Variants in FBN3 observed in about 807,000 individuals in gnomAD.
FBN3 encodes fibrillin-3.
In FBN3, 234 loss-of-function variants were observed where a neutral mutation model predicts 330.1. The ratio of observed to expected loss-of-function variants is 0.71; its 90% CI spans 0.64 to 0.79. The LOEUF (loss-of-function observed/expected upper bound fraction) is 0.79. Ranked by LOEUF, FBN3 falls within the 30% of genes least tolerant of loss-of-function variation. The pLI is 0.00. For synonymous variants in FBN3, 1,458 were observed against 1,517.3 expected, an observed-to-expected ratio of 0.96 and a Z score of 0.91; for missense variants, 3,606 against 3,886.9, an observed-to-expected ratio of 0.93 and a Z score of 1.92.
chr19:8,091,020 A>T (rs866074501), intron 48 of FBN3, among the ~76,000 whole-genome samples: 1 of 152,048 alleles, frequency 6.6e-6, no homozygotes, highest in African/African-American at 2.4e-5. Flanking sequence ...AGAACAGCAA[A>T]TATTCGCTGA....
chr19:8,119,032 T>C lies in FBN3; in HGVS notation c.3212-10A>G. 1 of 1,590,114 alleles carries C rather than the reference T, an allele frequency of 6.3e-7. No homozygotes were observed. ...GCACACTCGTCCACGTCTGAAGGTT[T>C]GTGTGGAAAGAGAGAGCAGGCATGA... On this transcript the variant is annotated splice_polypyrimidine_tract_variant and intron_variant, in intron 25 of 63. Coordinates refer to ENST00000600128, the MANE Select transcript of FBN3 (RefSeq NM_032447.5).
Position 8,126,464 on chromosome 19 carries a change from C to T in FBN3, c.2554+4G>A, listed in dbSNP as rs1382284189. 13 of 1,610,608 alleles carry T rather than the reference C, an allele frequency of 8.1e-6. No homozygotes were observed. Among genetic ancestry groups the T allele is most frequent in the South Asian group, 6.6e-5 (6 of 90,702 alleles). ...TGCCTGGGAGGCCTCAAGGAGGATA[C>T]TACCGATCTCGCAGCGTTCGCAGGG... On this transcript the variant is annotated splice_donor_region_variant and intron_variant, in intron 20 of 63. Coordinates refer to ENST00000600128, the MANE Select transcript of FBN3 (RefSeq NM_032447.5).
intron 25 of FBN3, among the ~76,000 whole-genome samples, chr19:8,119,362 C>A (rs1334498699): frequency 1.3e-5 from 2 of 152,184 alleles, no homozygotes; most frequent in Non-Finnish European, 2.9e-5. Context: ...GGACTCAGGG[C>A]AGGGAGCAGG....
rs2083223712 is a variant in FBN3 at position 8,134,201 on chromosome 19, C to T, written c.1592-1095G>A. Reference sequence around the variant, plus strand: ...AGGTTGCAGTGAGCCAGGATCACGCCACTGCACTCCAGCCTGGGTGACAGA... The same window carrying T: ...AGGTTGCAGTGAGCCAGGATCACGCTACTGCACTCCAGCCTGGGTGACAGA... On this transcript the variant is annotated intron_variant, in intron 13 of 63. Coordinates refer to ENST00000600128, the MANE Select transcript of FBN3 (RefSeq NM_032447.5). Among the ~76,000 whole-genome samples the T allele has an allele frequency of 2.0e-5, 3 of 152,074 alleles. No homozygotes were observed. In the South Asian group the frequency reaches 6.2e-4, roughly 32 times the overall value.
intron 2 of FBN3, 24 bp downstream of exon 2, chr19:8,147,290 C>T: frequency 6.3e-7 from 1 of 1,582,408 alleles, no homozygotes; most frequent in Non-Finnish European, 8.6e-7. Context: ...GAAGGGGTCT[C>T]CCAGCATCCC....
rs1009452881 is a variant in FBN3, at chr19:8,081,232, G to A, written c.7337-113C>T. Reference sequence around the variant, plus strand: ...AGAGGGGTGACAAGAGAAAGACCTCGGAGATGGTGCTTGACTCCATGCAGA... The same window carrying A: ...AGAGGGGTGACAAGAGAAAGACCTCAGAGATGGTGCTTGACTCCATGCAGA... On this transcript the variant is annotated intron_variant, in intron 58 of 63. Transcript: ENST00000600128. 1.2e-5 allele frequency: 18 copies of A among 1,479,160 alleles called. No homozygotes were observed. In the African/African-American group the frequency reaches 1.2e-4, roughly 10 times the overall value. 91.6% of individuals were successfully genotyped at this position (1,479,160 alleles called of 1,614,324 possible).
rs144943251 is a variant in FBN3, at chr19:8,147,179, C to T, written c.175G>A (p.Val59Met). Residue 59 changes from valine (V) to methionine (M), a missense_variant, in exon 3 of 64, where the codon GTG becomes ATG. Coordinates refer to ENST00000600128, the MANE Select transcript of FBN3 (RefSeq NM_032447.5). ...TAGGCATGGAACCGGGAGCCGCACA[C>T]ATTCGGCCTTCGGGGACAGCGAGAT... is the stretch of plus-strand genomic sequence containing the variant. ...GSPGILQGPNVCGSRFHAYCC... is the reference protein window; with the variant it reads ...GSPGILQGPNMCGSRFHAYCC... 2.3e-4 allele frequency: 364 copies of T among 1,568,642 alleles called. 1 individual carries two copies. In the African/African-American group the frequency reaches 4.4e-3, roughly 19 times the overall value.
chr19:8,126,646 C>T, intron 19 of FBN3, 41 bp from the exon 20 acceptor site: 1 of 1,601,238 alleles, frequency 6.2e-7, no homozygotes, highest in South Asian at 1.1e-5. Context: ...CCTGCCGGCC[C>T]TACACCTGCA....
rs768029281 is a variant in FBN3 at position 8,094,526 on chromosome 19, G to C, written c.5825C>G (p.Pro1942Arg). The C allele has an allele frequency of 4.3e-6, 7 of 1,613,792 alleles. No individual in the cohort carries two copies. Among genetic ancestry groups the C allele is most frequent in the African/African-American group, 1.3e-5 (1 of 74,940 alleles). ...ECLSLAGTCL[P>R]GTCQNLEGSF... is the part of the protein sequence containing the mutation. ...GCCCTCGAGGTTCTGGCAAGTGCCGGGTAGGCAGGTTCCTGCAAGGCTGAG... is the reference window on the plus strand; with the variant it reads ...GCCCTCGAGGTTCTGGCAAGTGCCGCGTAGGCAGGTTCCTGCAAGGCTGAG... The change falls in exon 47 of 64, where the codon CCC becomes CGC. Residue 1942 changes from proline to arginine, a missense_variant. Transcript: ENST00000600128.
intron 61 of FBN3, among the ~76,000 whole-genome samples, chr19:8,074,490 G>A (rs2081593237): frequency 6.6e-6 from 1 of 152,156 alleles, no homozygotes; most frequent in Non-Finnish European, 1.5e-5. Context: ...GGAGGTAGAG[G>A]ATGGAGGCCG....
Position 8,090,082 on chromosome 19 carries a change from CA to C in FBN3, c.6184+16del, listed in dbSNP as rs771408180. On this transcript the variant is annotated intron_variant, in intron 49 of 63. Coordinates refer to ENST00000600128, the MANE Select transcript of FBN3 (RefSeq NM_032447.5). Reference sequence around the variant, plus strand: ...GGGCACATCATCCAGGGAGCCTGGACAGGGGTGGGCACTCACCGCTGCCCTC... The same window carrying C: ...GGGCACATCATCCAGGGAGCCTGGACGGGGTGGGCACTCACCGCTGCCCTC... The C allele has an allele frequency of 1.9e-6, 3 of 1,611,740 alleles. No individual in the cohort carries two copies. Among genetic ancestry groups the C allele is most frequent in the East Asian group, 2.2e-5 (1 of 44,836 alleles).
In FBN3 at chr19:8,109,987, G is replaced by T. The variant is rs1365861190; in HGVS notation, c.4334-234C>A. Among the ~76,000 whole-genome samples the T allele has an allele frequency of 6.6e-6, 1 of 152,150 alleles. No homozygotes were observed. Among genetic ancestry groups the T allele is most frequent in the Non-Finnish European group, 1.5e-5 (1 of 68,032 alleles). ...GCTCTGTTCTGCCTGGCAGAGTTTTGTTCATTGAACTCTACCTGCCCTGGG... is the reference window on the plus strand; with the variant it reads ...GCTCTGTTCTGCCTGGCAGAGTTTTTTTCATTGAACTCTACCTGCCCTGGG... On this transcript the variant is annotated intron_variant, in intron 34 of 63. Coordinates refer to ENST00000600128, the MANE Select transcript of FBN3 (RefSeq NM_032447.5). The surrounding 1 kb of genome is among the most constrained non-coding windows in gnomAD (Gnocchi z 5.2).
chr19:8,123,825 A>G lies in FBN3; in HGVS notation c.2915T>C (p.Phe972Ser). ...GCCAGACAGGAAGTCCCGGCTGGCG[A>G]AGCCCAGCCCCCGCGGGCACAGGCT... ...FASLCPRGLGFASRDFLSGRP... is the reference protein window; with the variant it reads ...FASLCPRGLGSASRDFLSGRP... Residue 972 changes from phenylalanine to serine, a missense_variant, in exon 23 of 64, where the codon TTC (phenylalanine) becomes TCC (serine). By Grantham distance (155) the Phe-to-Ser change is radical (BLOSUM62 -2). Transcript: ENST00000600128. 1.2e-6 allele frequency: 2 copies of G among 1,613,096 alleles called. No homozygotes were observed. Among genetic ancestry groups the G allele is most frequent in the Non-Finnish European group, 8.5e-7 (1 of 1,179,910 alleles).
In FBN3 at chr19:8,146,231, T is replaced by A; in HGVS notation, c.251-6A>T. 6.3e-7 allele frequency: 1 copy of A among 1,584,612 alleles called. No homozygotes were observed. Among genetic ancestry groups the A allele is most frequent in the Non-Finnish European group, 8.6e-7 (1 of 1,166,738 alleles). On this transcript the variant is annotated splice_polypyrimidine_tract_variant and splice_region_variant and intron_variant, in intron 3 of 63. Coordinates refer to ENST00000600128, the MANE Select transcript of FBN3 (RefSeq NM_032447.5). ...GCAGGCGCGCCTACAGATGGCTGGA[T>A]GAGTGCAGCGGGTGGCAGTCAAGAC...
chr19:8,091,678 G>T, intron 47 of FBN3, 88 bp from the exon 48 acceptor site: 1 of 1,484,398 alleles, frequency 6.7e-7, no homozygotes, highest in Non-Finnish European at 9.2e-7. Flanking sequence ...GGGACAGATG[G>T]AGTGCAGGTC....
At chr19:8,089,512 TGGGAC>T (rs748475538) in intron 51 of FBN3, 28 bp downstream of exon 51, 2 of 1,612,858 alleles carry the variant, frequency 1.2e-6, no homozygotes. Flanking sequence ...GGGAGGGGCC[TGGGAC>T]AGAGCTGGGG....
In FBN3 at chr19:8,121,135, G is replaced by T; in HGVS notation, c.3211+123C>A. ...CTCACTGTACCTCAGCTAATTTACA[G>T]CTCCTCCCTCCTCCTGCCCCCTCCA... On this transcript the variant is annotated intron_variant, in intron 25 of 63. Transcript: ENST00000600128. The surrounding 1 kb of genome is among the most constrained non-coding windows in gnomAD (Gnocchi z 4.5). 1.0e-6 allele frequency: 1 copy of T among 956,660 alleles called. No homozygotes were observed. The allele number at this position is 956,660 out of a possible 1,614,324, so 59.3% of individuals were successfully genotyped here. A position where few individuals can be genotyped will look rare whatever the true frequency, so the allele number is the denominator to read the frequency against.
intron 13 of FBN3, 26 bp downstream of exon 13, chr19:8,135,935 T>TGGGGGGGGGGGCG: frequency 7.4e-7 from 1 of 1,344,154 alleles, no homozygotes; most frequent in Non-Finnish European, 1.0e-6. Context: ...CGGAAGCCCC[T>TGGGGGGGGGGGCG]GCCCACCCGC....
At position 8,073,247 on chromosome 19, in the gene FBN3, G is replaced by A. The variant is rs760490060; in HGVS notation, c.7753C>T (p.Arg2585Cys). ...SPPTCGSASC[R>C]NTLGGFRCVC... is the part of the protein sequence containing the mutation. The stretch of plus-strand genomic sequence containing the variant: ...CAGCGGAAGCCACCAAGAGTGTTGC[G>A]ACAGGAGGCGCTCCCGCAGGTGGGG... Residue 2585 changes from arginine (R) to cysteine (C), a missense_variant, in exon 62 of 64, where the codon CGC becomes TGC. Transcript: ENST00000600128. The A allele has an allele frequency of 6.2e-6, 10 of 1,613,900 alleles. No homozygotes were observed. The highest frequency in any genetic ancestry group is 1.3e-5 in the African/African-American group (1 of 74,910).
Sources: gnomAD v4.1 joint callset for allele counts (sites outside exome capture counted in the v4.1 genomes callset) on GRCh38, gnomAD v4.1.1 for gene constraint, Gnocchi (gnomAD v3.1) non-coding constraint, MANE v1.5 for transcripts, NCBI Gene and HGNC (gene_info 2026-07-23, HGNC 2026-07-21) for gene names.